SEMA4D: variants seen among roughly 807,000 people sequenced by gnomAD.
The protein encoded by SEMA4D is semaphorin 4D.
SEMA4D carries 22 observed loss-of-function variants against 74.8 expected under a neutral mutation model. The ratio of observed to expected loss-of-function variants is 0.29; its 90% CI spans 0.21 to 0.42. The LOEUF (loss-of-function observed/expected upper bound fraction) is 0.42, where lower values mean the gene tolerates loss of function less well. SEMA4D is among the 10% of genes least tolerant of loss of function. The probability of loss-of-function intolerance (pLI) is 1.00; values close to 1 mark genes in which losing one functional copy is unlikely to be tolerated. For synonymous variants in SEMA4D, 445 were observed against 463.7 expected, an observed-to-expected ratio of 0.96 and a Z score of 0.52; for missense variants, 937 against 1,118.4, an observed-to-expected ratio of 0.84 and a Z score of 2.31.
chr9:89,472,961 T>C (rs551731382), intron 1 of SEMA4D, among the ~76,000 whole-genome samples: 1 of 152,144 alleles, frequency 6.6e-6, no homozygotes, highest in East Asian at 1.9e-4. Flanking sequence ...CCAGGCATGG[T>C]GGCACACGCC....
Position 89,378,643 on chromosome 9 carries a change from CAA to C in SEMA4D, c.*59_*60del. The C allele has an allele frequency of 7.3e-7, 1 of 1,361,052 alleles. No homozygotes were observed. The highest frequency in any genetic ancestry group is 1.0e-6 in the Non-Finnish European group (1 of 963,364). 84.3% of individuals were successfully genotyped at this position (1,361,052 alleles called of 1,614,324 possible). Reference sequence around the variant, plus strand: ...ACTCGGATACTGAACAGGAGAAACACAAAACTCTCCACGCCTGGACACGTCGC... The same window carrying C: ...ACTCGGATACTGAACAGGAGAAACACAACTCTCCACGCCTGGACACGTCGC... On this transcript the variant is annotated 3_prime_UTR_variant, in exon 16 of 16. Coordinates refer to ENST00000422704, the MANE Select transcript of SEMA4D (RefSeq NM_001371194.2).
intron 1 of SEMA4D, among the ~76,000 whole-genome samples, chr9:89,489,692 T>C (rs1825474536): frequency 1.3e-5 from 2 of 152,230 alleles, no homozygotes; most frequent in South Asian, 4.1e-4. Flanking sequence ...CTTCACTCCT[T>C]TTTATGGCTG....
At chr9:89,485,810 A>AAAG (rs1825153489) in intron 1 of SEMA4D, among the ~76,000 whole-genome samples, 1 of 107,996 alleles carries the variant, frequency 9.3e-6, no homozygotes, top group Non-Finnish European at 2.1e-5. Context: ...AAAAAAAAAA[A>AAAG]AAAAGAAAAA....
chr9:89,399,261 G>A lies in SEMA4D; in HGVS notation c.315+15C>T. On this transcript the variant is annotated intron_variant, in intron 5 of 15. Coordinates refer to ENST00000422704, the MANE Select transcript of SEMA4D (RefSeq NM_001371194.2). The stretch of plus-strand genomic sequence containing the variant: ...ACTTGAATGGGATTCTTTGTAGCTT[G>A]CAAAAGAAATTTACCTGTTTTGATT... 1 of 1,608,556 alleles carries A rather than the reference G, an allele frequency of 6.2e-7. No individual in the cohort carries two copies. The highest frequency in any genetic ancestry group is 8.5e-7 in the Non-Finnish European group (1 of 1,174,938).
intron 2 of SEMA4D, among the ~76,000 whole-genome samples, chr9:89,421,790 CGTGT>C (rs201321086): frequency 6.6e-6 from 1 of 150,932 alleles, no homozygotes; most frequent in Admixed American, 6.6e-5. Flanking sequence ...GGTGTGTGAC[CGTGT>C]GTGTGCGTGT....
chr9:89,379,084 T>C lies in SEMA4D; in HGVS notation c.2209A>G (p.Met737Val), dbSNP rs765383959. 3.1e-6 allele frequency: 5 copies of C among 1,613,848 alleles called. No homozygotes were observed. The highest frequency in any genetic ancestry group is 2.2e-5 in the East Asian group (1 of 44,878). Residue 737 changes from methionine to valine, a missense_variant, in exon 16 of 16, where the codon ATG becomes GTG. Coordinates refer to ENST00000422704, the MANE Select transcript of SEMA4D (RefSeq NM_001371194.2). ...ACAAAGAAGAAGAGGAAGAGGGACA[T>C]GAGGAGGCGGTTGTCGCTGGACTTA... ...YLKSSDNRLLMSLFLFFFVLF... is the reference protein window; with the variant it reads ...YLKSSDNRLLVSLFLFFFVLF...
intron 12 of SEMA4D, chr9:89,387,166 A>AT (rs1838716660): frequency 3.8e-6 from 2 of 528,040 alleles, no homozygotes; most frequent in Non-Finnish European, 6.7e-6. Context: ...TTGCATTTTT[A>AT]TTTTTAACAA....
intron 9 of SEMA4D, among the ~76,000 whole-genome samples, chr9:89,390,364 GCGGGGCTGC>G (rs386736120): frequency 2.0e-5 from 3 of 151,774 alleles, no homozygotes; most frequent in Non-Finnish European, 4.4e-5. Flanking sequence ...AGCCACGGCT[GCGGGGCTGC>G]GGGGCAGCTG....
chr9:89,364,145 C>T, intron 16 of SEMA4D: 1 of 1,125,796 alleles, frequency 8.9e-7, no homozygotes, highest in Admixed American at 2.6e-5. Flanking sequence ...CTTGGCCCGT[C>T]CTGTGGACTT....
At chr9:89,432,752 G>C (rs1431512604) in intron 2 of SEMA4D, among the ~76,000 whole-genome samples, 1 of 152,224 alleles carries the variant, frequency 6.6e-6, no homozygotes, top group African/African-American at 2.4e-5. Flanking sequence ...TGAGGATGTG[G>C]AGAAGCTGGA....
chr9:89,394,486 GCA>G (rs1361824472), intron 6 of SEMA4D, among the ~76,000 whole-genome samples: 32 of 152,266 alleles, frequency 2.1e-4, no homozygotes. Flanking sequence ...CATCTGGACA[GCA>G]CAGACGAGAG....
At chr9:89,461,707 T>C (rs1043811617) in intron 1 of SEMA4D, among the ~76,000 whole-genome samples, 6 of 127,684 alleles carry the variant, frequency 4.7e-5, no homozygotes, top group East Asian at 2.2e-4. Flanking sequence ...TCTCTTTTTT[T>C]TTTTTTTTTT....
chr9:89,437,341 G>A (rs759681598), intron 2 of SEMA4D, among the ~76,000 whole-genome samples: 12 of 152,164 alleles, frequency 7.9e-5, no homozygotes, highest in Admixed American at 1.3e-4. Context: ...GTAAGGAAGC[G>A]CGATGCAGTG....
chr9:89,362,545 G>T (rs1257773898), intron 18 of SEMA4D: 8 of 1,570,922 alleles, frequency 5.1e-6, no homozygotes, highest in Non-Finnish European at 7.0e-6. Context: ...TCAGCCCCCT[G>T]TTGTGGTTCC....
At chr9:89,389,752 A>C (rs1839391388) in intron 9 of SEMA4D, among the ~76,000 whole-genome samples, 1 of 152,222 alleles carries the variant, frequency 6.6e-6, no homozygotes, top group African/African-American at 2.4e-5. Context: ...GGACACAGGG[A>C]AAATGTTCCC....
At chr9:89,451,787 G>A (rs150158729) in intron 2 of SEMA4D, among the ~76,000 whole-genome samples, 2,177 of 152,228 alleles carry the variant, frequency 0.014, 22 homozygotes, top group Non-Finnish European at 0.024. Flanking sequence ...GACTAAGTTT[G>A]CTTTAGTAAT....
rs200177945 is a variant in SEMA4D at position 89,363,708 on chromosome 9, A to G, written c.2092+33T>C. The stretch of plus-strand genomic sequence containing the variant: ...TGTAAATAGTGAAAAATTACCTCAT[A>G]AAAGGGTAACAGTGGGCATGGGAAT... On this transcript the variant is annotated intron_variant, in intron 17 of 18. Transcript: ENST00000339861. The G allele has an allele frequency of 1.2e-4, 189 of 1,602,528 alleles. 1 individual carries two copies. Among genetic ancestry groups the G allele is most frequent in the Non-Finnish European group, 1.5e-4 (179 of 1,174,334 alleles).
At position 89,377,285 on chromosome 9, in the gene SEMA4D, T is replaced by G; in HGVS notation, c.*1419A>C. ...TTGGGTACTTTCCAAATGTATACAA[T>G]TCAAAGTAGAAAAATAAAAACAAGG... On this transcript the variant is annotated 3_prime_UTR_variant, in exon 16 of 16. Coordinates refer to ENST00000422704, the MANE Select transcript of SEMA4D (RefSeq NM_001371194.2). The G allele has an allele frequency of 2.0e-6, 1 of 510,062 alleles. No individual in the cohort carries two copies. 31.6% of individuals were successfully genotyped at this position (510,062 alleles called of 1,614,324 possible).
intron 2 of SEMA4D, among the ~76,000 whole-genome samples, chr9:89,440,064 G>A (rs1380284575): frequency 6.6e-6 from 1 of 152,180 alleles, no homozygotes; most frequent in Admixed American, 6.5e-5. Flanking sequence ...GTCCCACCAA[G>A]GGCAGTCCAC....
Sources: allele counts gnomAD v4.1 joint callset (sites outside exome capture counted in the v4.1 genomes callset), GRCh38; gene constraint gnomAD v4.1.1; transcripts MANE v1.5; gene names NCBI Gene and HGNC (gene_info 2026-07-23, HGNC 2026-07-21).